The following NEB variants were observed in gnomAD, a reference collection of about 807,000 sequenced individuals.
NEB encodes the protein nemaline myopathy type 2.
A neutral mutation model predicts 952.2 loss-of-function variants in NEB; 512 were observed. The ratio of observed to expected loss-of-function variants is 0.54; its 90% CI spans 0.50 to 0.58. The LOEUF is 0.58. NEB is among the 20% of genes least tolerant of loss of function. NEB has a pLI of 0.00. For missense variants in NEB, 8,428 were observed against 9,231.1 expected (o/e 0.91, Z 3.56); for synonymous variants, 2,900 against 3,149.8 (o/e 0.92, Z 2.66).
intron 107 of NEB, among the ~76,000 whole-genome samples, chr2:151,571,164 C>A (rs1288204422): frequency 6.6e-6 from 1 of 152,130 alleles, no homozygotes; most frequent in Non-Finnish European, 1.5e-5. Flanking sequence ...CGCCACCAGG[C>A]CCAGCTAATT....
At position 151,562,198 on chromosome 2, in the gene NEB, T is replaced by C; in HGVS notation, c.18908A>G (p.Asp6303Gly). The change falls in exon 121 of 182, where the codon GAC becomes GGC. Residue 6303 changes from aspartate to glycine, a missense_variant. Physicochemically the swap from Asp to Gly is moderately conservative, Grantham distance 94. This residue lies in a region of NEB where 3,374 missense variants were observed against 3,651.5 expected (regional missense o/e 0.92). Transcript: ENST00000397345. ...ACCAATGCCTTTCAACCAATTCAGG[T>C]CATCTTTATACACATTCTGCAAGAA... ...EILSDNVYKDDLNWLKGIGCY... is the reference protein window; with the variant it reads ...EILSDNVYKDGLNWLKGIGCY... The C allele has an allele frequency of 6.2e-7, 1 of 1,612,448 alleles. No individual in the cohort carries two copies. Among genetic ancestry groups the C allele is most frequent in the Non-Finnish European group, 8.5e-7 (1 of 1,178,540 alleles).
rs2058584112 is a variant in NEB at position 151,494,160 on chromosome 2, C to T, written c.24579+1G>A. On this transcript the variant is annotated splice_donor_variant, in intron 174 of 181. Coordinates refer to ENST00000397345, the MANE Select transcript of NEB (RefSeq NM_001164508.2). LOFTEE classifies it high-confidence loss of function. ...AGCACTTTTGTTTCTCAAGACAATACCGAGCTAATGTTTTCTTGATTGCGT... is the reference window on the plus strand; with the variant it reads ...AGCACTTTTGTTTCTCAAGACAATATCGAGCTAATGTTTTCTTGATTGCGT... 2 of 1,601,642 alleles carry T rather than the reference C, an allele frequency of 1.2e-6. No homozygotes were observed. The highest frequency in any genetic ancestry group is 1.3e-5 in the African/African-American group (1 of 74,770).
intron 3 of NEB, among the ~76,000 whole-genome samples, chr2:151,729,963 T>C (rs1340884642): frequency 1.3e-5 from 2 of 152,332 alleles, no homozygotes; most frequent in African/African-American, 4.8e-5. Flanking sequence ...TTTTTTCTTA[T>C]GGTCCCCAAG....
rs1293094510 is a variant in NEB, at chr2:151,725,475, T to G, written c.380A>C (p.Lys127Thr). 6.2e-7 allele frequency: 1 copy of G among 1,613,538 alleles called. No homozygotes were observed. Among genetic ancestry groups the G allele is most frequent in the South Asian group, 1.1e-5 (1 of 90,992 alleles). The change falls in exon 6 of 182, where the codon AAA becomes ACA. Residue 127 changes from lysine (K) to threonine (T), a missense_variant. Around this residue, in one of 11 missense-constraint regions of NEB, gnomAD observed 2,851 missense variants for 2,791.5 expected, o/e 1.02. Transcript: ENST00000397345. ...CACCTCACTGAGTTGATCTTGTACTTTTTTGATTCTGCGAAGTTCTGGAGT... is the reference window on the plus strand; with the variant it reads ...CACCTCACTGAGTTGATCTTGTACTGTTTTGATTCTGCGAAGTTCTGGAGT... Reference protein sequence around the residue: ...TDTPELRRIKKVQDQLSEVKY... With the variant: ...TDTPELRRIKTVQDQLSEVKY...
At chr2:151,569,531 G>T (rs998234052) in intron 109 of NEB, among the ~76,000 whole-genome samples, 159 bp from the exon 110 acceptor site, 1 of 152,096 alleles carries the variant, frequency 6.6e-6, no homozygotes, top group South Asian at 2.1e-4. Context: ...TTAATTAGGC[G>T]GCCAGGCAGT....
chr2:151,643,449 T>G, intron 57 of NEB, 96 bp from the exon 58 acceptor site: 1 of 1,080,592 alleles, frequency 9.3e-7, no homozygotes, highest in Non-Finnish European at 1.3e-6. Flanking sequence ...AAATAAAAGT[T>G]CATATTATAC....
chr2:151,496,226 AAGT>A, intron 173 of NEB, 47 bp downstream of exon 173: 4 of 1,456,622 alleles, frequency 2.7e-6, no homozygotes, highest in Non-Finnish European at 3.8e-6. Flanking sequence ...TAAATCATAA[AAGT>A]AGTTTTTAAA....
At chr2:151,541,128 A>G (rs1360936888) in intron 136 of NEB, among the ~76,000 whole-genome samples, 1 of 152,134 alleles carries the variant, frequency 6.6e-6, no homozygotes, top group Non-Finnish European at 1.5e-5. Context: ...TTTTTGCGTG[A>G]CTGCATGAAA....
At chr2:151,500,593 C>CT (rs11428843) in intron 168 of NEB, among the ~76,000 whole-genome samples, 60,164 of 118,418 alleles carry the variant, frequency 0.51, 17,575 homozygotes, top group East Asian at 0.74. Flanking sequence ...TTCTTTCTTC[C>CT]TTTTTTTTTT....
rs781054101 is a variant in NEB, at chr2:151,570,604, G to C, written c.17014-3C>G. On this transcript the variant is annotated splice_polypyrimidine_tract_variant and splice_region_variant and intron_variant, in intron 107 of 181. Transcript: ENST00000397345. ...TCCCAGCCCTCACGGTAAAGTTTCTGAAAAGGAGAAAAATAAGGTATCATC... is the reference window on the plus strand; with the variant it reads ...TCCCAGCCCTCACGGTAAAGTTTCTCAAAAGGAGAAAAATAAGGTATCATC... 2.5e-6 allele frequency: 4 copies of C among 1,577,052 alleles called. No individual in the cohort carries two copies. The African/African-American group carries it at 4.1e-5, about 16-fold the overall frequency.
chr2:151,622,684 A>C (rs935678470), intron 71 of NEB, among the ~76,000 whole-genome samples: 2 of 152,182 alleles, frequency 1.3e-5, no homozygotes, highest in Non-Finnish European at 2.9e-5. Context: ...TGTATCTCCT[A>C]AGAATAAAGA....
In NEB at chr2:151,514,917, C is replaced by G; in HGVS notation, c.22917G>C (p.Arg7639Ser). 2 of 1,564,220 alleles carry G rather than the reference C, an allele frequency of 1.3e-6. No individual in the cohort carries two copies. The highest frequency in any genetic ancestry group is 1.7e-6 in the Non-Finnish European group (2 of 1,151,250). ...CTTTAATGGACTCTTCATAATCTTT[C>G]CTATATTCTTTCTAATGTAAGTAGG... ...SQQMQSGKEY[R>S]KDYEESIKGR... Residue 7639 changes from arginine (R) to serine (S), a missense_variant, in exon 158 of 182, where the codon AGG becomes AGC. Arg to Ser is a moderately radical substitution (Grantham distance 110, BLOSUM62 -1). Coordinates refer to ENST00000397345, the MANE Select transcript of NEB (RefSeq NM_001164508.2).
At chr2:151,625,742 T>C in intron 70 of NEB, 104 bp from the exon 71 acceptor site, 1 of 648,670 alleles carries the variant, frequency 1.5e-6, no homozygotes. Flanking sequence ...TTTCTTGCTG[T>C]CTGTTCCATG....
intron 156 of NEB, among the ~76,000 whole-genome samples, chr2:151,517,805 C>T (rs2078783937): frequency 6.6e-6 from 1 of 152,172 alleles, no homozygotes; most frequent in Admixed American, 6.5e-5. Context: ...AATGGTACAC[C>T]TGCATAGGGT....
rs760287863 is a variant in NEB, at chr2:151,508,092, A to G, written c.23364T>C (p.Asp7788=). 5 of 1,606,926 alleles carry G rather than the reference A, an allele frequency of 3.1e-6. No individual in the cohort carries two copies. The highest frequency in any genetic ancestry group is 3.4e-6 in the Non-Finnish European group (4 of 1,176,036). The change falls in exon 162 of 182, where the codon GAT becomes GAC. Residue 7788 remains aspartate, a synonymous_variant. Transcript: ENST00000397345. ...NLSSQKKYKE[D]AEKSMSYYET... is the part of the protein sequence containing the mutation. ...CATAATACGACATGGACTTCTCAGC[A>G]TCTTCCTTGTACTTTTTCTGGGAAT...
At position 151,490,007 on chromosome 2, in the gene NEB, C is replaced by T. The variant is rs200083849; in HGVS notation, c.25368G>A (p.Thr8456=). Reference sequence around the variant, plus strand: ...ATGGATGAGATGGGATGGAAGATACCGTTGTCTGTTGGGTAGCAACTGAAG... The same window carrying T: ...ATGGATGAGATGGGATGGAAGATACTGTTGTCTGTTGGGTAGCAACTGAAG... ...RSSSVATQQT[T]VSSIPSHPST... The change falls in exon 181 of 182, where the codon ACG becomes ACA. Residue 8456 remains threonine, a synonymous_variant. Coordinates refer to ENST00000397345, the MANE Select transcript of NEB (RefSeq NM_001164508.2). The T allele has an allele frequency of 6.6e-5, 106 of 1,612,286 alleles. No homozygotes were observed. Among genetic ancestry groups the T allele is most frequent in the Non-Finnish European group, 8.1e-5 (95 of 1,178,612 alleles).
intron 37 of NEB, chr2:151,671,436 T>A (rs1486490299): frequency 2.1e-6 from 1 of 484,526 alleles, no homozygotes; most frequent in East Asian, 3.1e-5. Context: ...GAAGGGAATC[T>A]AGGTCACATA....
intron 107 of NEB, among the ~76,000 whole-genome samples, chr2:151,575,470 G>C (rs1009957422): frequency 6.6e-6 from 1 of 152,124 alleles, no homozygotes; most frequent in Non-Finnish European, 1.5e-5. Context: ...GACAACTAAA[G>C]AGACTTTTGT....
At chr2:151,685,550 G>C (rs2099489598) in intron 27 of NEB, among the ~76,000 whole-genome samples, 1 of 152,140 alleles carries the variant, frequency 6.6e-6, no homozygotes, top group African/African-American at 2.4e-5. Context: ...CAATTTAAAA[G>C]AAGCTTCAGA....
Sources: gnomAD v4.1 joint callset for allele counts (sites outside exome capture counted in the v4.1 genomes callset) on GRCh38, gnomAD v4.1.1 for gene constraint, gnomAD v4.1.1 regional missense constraint, MANE v1.5 for transcripts, NCBI Gene and HGNC (gene_info 2026-07-23, HGNC 2026-07-21) for gene names.